TJP1: variants seen among roughly 807,000 people sequenced by gnomAD.
The protein encoded by TJP1 is tight junction protein 1, also known as tight junction protein ZO-1.
A neutral mutation model predicts 194.2 loss-of-function variants in TJP1; 43 were observed. The observed-to-expected ratio is 0.22, with a 90% CI of 0.17 to 0.29. The LOEUF is 0.29. Among genes scored for constraint, TJP1 ranks in the 10% least tolerant of loss-of-function variants. The pLI, the probability that TJP1 is intolerant of heterozygous loss-of-function variation, is 1.00. For synonymous variants in TJP1, 801 were observed against 779.0 expected (o/e 1.03, Z -0.47); for missense variants, 1,971 against 2,185.7 (o/e 0.90, Z 1.96).
At chr15:29,915,540 T>C (rs2054156910) in intron 2 of TJP1, among the ~76,000 whole-genome samples, 1 of 152,258 alleles carries the variant, frequency 6.6e-6, no homozygotes, top group African/African-American at 2.4e-5. Flanking sequence ...TTTACTGTGA[T>C]GTAGATTTAG....
At chr15:29,787,312 G>A (rs1050549191) in intron 2 of TJP1, among the ~76,000 whole-genome samples, 5 of 152,074 alleles carry the variant, frequency 3.3e-5, no homozygotes, top group Non-Finnish European at 7.4e-5. Context: ...AGAACCATAG[G>A]TCTAAGTATA....
intron 2 of TJP1, among the ~76,000 whole-genome samples, chr15:29,788,337 C>A (rs1189102938): frequency 6.6e-6 from 1 of 152,246 alleles, no homozygotes; most frequent in South Asian, 2.1e-4. Flanking sequence ...TCTGTTTTCC[C>A]TTTTGTTGCT....
In TJP1 at chr15:29,950,183, T is replaced by TCCACCA. The variant is rs201669884; in HGVS notation, c.306+6043_306+6048dup. On this transcript the variant is annotated intron_variant, in intron 2 of 28. Coordinates refer to the TJP1 transcript ENST00000356107. ...CACCACCACAACCACTACCTCCACCTCCACCACCACCACCACTTCCATCTC... is the reference window on the plus strand; with the variant it reads ...CACCACCACAACCACTACCTCCACCTCCACCACCACCACCACCACCACTTCCATCTC... Among the ~76,000 whole-genome samples the TCCACCA allele has an allele frequency of 1.8e-4, 11 of 60,108 alleles. No homozygotes were observed. In the South Asian group the frequency reaches 2.1e-3, roughly 11 times the overall value. The allele number at this position is 60,108 out of a possible 152,430, so 39.4% of individuals were successfully genotyped here. A position where few individuals can be genotyped will look rare whatever the true frequency, so the allele number is the denominator to read the frequency against.
chr15:29,908,298 A>G (rs2053894788), intron 2 of TJP1, among the ~76,000 whole-genome samples: 1 of 152,142 alleles, frequency 6.6e-6, no homozygotes, highest in Non-Finnish European at 1.5e-5. Flanking sequence ...CCAAAGAGAC[A>G]GAAGACTTGA....
intron 2 of TJP1, among the ~76,000 whole-genome samples, chr15:29,874,428 G>A (rs1006973034): frequency 2.6e-5 from 4 of 152,144 alleles, no homozygotes; most frequent in Non-Finnish European, 5.9e-5. Context: ...ATCTTAGTTG[G>A]AGGACATGAT....
At chr15:29,779,187 A>ACCCTTC (rs2047199660) in intron 2 of TJP1, among the ~76,000 whole-genome samples, 1 of 152,038 alleles carries the variant, frequency 6.6e-6, no homozygotes, top group South Asian at 2.1e-4. Flanking sequence ...AAGACCACCG[A>ACCCTTC]ACCTTCAACT....
intron 1 of TJP1, among the ~76,000 whole-genome samples, chr15:29,816,527 T>A (rs2049936303): frequency 6.6e-6 from 1 of 152,148 alleles, no homozygotes; most frequent in Non-Finnish European, 1.5e-5. Context: ...ACACAAAAAT[T>A]ATTGCTACAG....
chr15:29,943,891 T>A (rs1263863969), intron 2 of TJP1, among the ~76,000 whole-genome samples: 2 of 151,534 alleles, frequency 1.3e-5, no homozygotes, highest in East Asian at 3.9e-4. Context: ...GAGGTTGCAG[T>A]GAGCCAAGAT....
rs1394184559 is a variant in TJP1 at position 29,879,251 on chromosome 15, C to T, written c.306+76981G>A. ...TAAAGAGAGGATCAAGTACAGTTTCCGTGGGGAAGAACATCTAGGTAGGAA... is the reference window on the plus strand; with the variant it reads ...TAAAGAGAGGATCAAGTACAGTTTCTGTGGGGAAGAACATCTAGGTAGGAA... On this transcript the variant is annotated intron_variant, in intron 2 of 28. Coordinates refer to the TJP1 transcript ENST00000356107. Among the ~76,000 whole-genome samples, 6 of 152,162 alleles carry T rather than the reference C, an allele frequency of 3.9e-5. No individual in the cohort carries two copies. The East Asian group carries it at 9.6e-4, about 24-fold the overall frequency.
chr15:29,764,265 A>G (rs913606977), intron 5 of TJP1, among the ~76,000 whole-genome samples: 1 of 152,178 alleles, frequency 6.6e-6, no homozygotes, highest in South Asian at 2.1e-4. Context: ...AACTTTACCT[A>G]AGAAAGACCT....
rs1440315536 is a variant in TJP1, at chr15:29,804,462, AG to A, written c.28-3761del. On this transcript the variant is annotated intron_variant, in intron 1 of 27. Transcript: ENST00000614355. ...CACTATTTTAATGAGCATTCCATAAAGAAAAAATGTTCACTAATGACTGAGA... is the reference window on the plus strand; with the variant it reads ...CACTATTTTAATGAGCATTCCATAAAAAAAAATGTTCACTAATGACTGAGA... Among the ~76,000 whole-genome samples the A allele has an allele frequency of 1.4e-4, 22 of 152,192 alleles. 1 individual carries two copies. The highest frequency in any genetic ancestry group is 1.4e-3 in the Admixed American group (22 of 15,286).
intron 2 of TJP1, among the ~76,000 whole-genome samples, chr15:29,949,503 C>T (rs2055492974): frequency 7.4e-6 from 1 of 134,498 alleles, no homozygotes; most frequent in Admixed American, 7.8e-5. Flanking sequence ...ACCTCCACAA[C>T]CACCACCTCC....
chr15:29,849,543 A>G (rs2051556344), intron 2 of TJP1, among the ~76,000 whole-genome samples: 1 of 151,928 alleles, frequency 6.6e-6, no homozygotes, highest in African/African-American at 2.4e-5. Flanking sequence ...ATTTGATACC[A>G]GCCTTACCAA....
intron 2 of TJP1, among the ~76,000 whole-genome samples, chr15:29,833,597 T>C (rs1041288843): frequency 2.8e-4 from 42 of 151,700 alleles, no homozygotes; most frequent in African/African-American, 9.0e-4. Context: ...TTTGGCCATG[T>C]TGGGAGGCTA....
rs980911159 is a variant in TJP1 at position 29,718,532 on chromosome 15, G to A, written c.3610C>T (p.Pro1204Ser). Residue 1204 changes from proline to serine, a missense_variant, in exon 21 of 28, where the codon CCC (proline) becomes TCC (serine). Transcript: ENST00000614355. The part of the protein sequence containing the change: ...QYSRSYEQVP[P>S]QGFTSRAGHF... ...CCTGCTCTAGAGGTAAATCCTTGGG[G>A]TGGTACTTGCTCGTAACTGCGTGAA... 1.2e-6 allele frequency: 2 copies of A among 1,614,180 alleles called. No homozygotes were observed. Among genetic ancestry groups the A allele is most frequent in the Admixed American group, 3.3e-5 (2 of 60,034 alleles).
intron 1 of TJP1, among the ~76,000 whole-genome samples, chr15:29,959,034 G>A (rs1775620612): frequency 6.6e-6 from 1 of 150,582 alleles, no homozygotes; most frequent in Admixed American, 6.6e-5. Flanking sequence ...GTGCCTCCCA[G>A]GCTGGAGTGC....
At chr15:29,905,061 A>G (rs2053762033) in intron 2 of TJP1, among the ~76,000 whole-genome samples, 1 of 152,148 alleles carries the variant, frequency 6.6e-6, no homozygotes, top group Admixed American at 6.5e-5. Context: ...GAAAGGATAC[A>G]TTTTTGTTGT....
chr15:29,789,598 G>C (rs1206481525), intron 2 of TJP1, among the ~76,000 whole-genome samples: 2 of 152,110 alleles, frequency 1.3e-5, no homozygotes, highest in Admixed American at 1.3e-4. Flanking sequence ...AAATACAAAT[G>C]AAAGAATGAA....
rs199845649 is a variant in TJP1 at position 29,743,958 on chromosome 15, A to G, written c.1011-1177T>C. 1.1e-4 allele frequency among the ~76,000 whole-genome samples: 16 copies of G among 152,274 alleles called. No individual in the cohort carries two copies. In the East Asian group the frequency reaches 3.1e-3, roughly 29 times the overall value. On this transcript the variant is annotated intron_variant, in intron 8 of 27. Transcript: ENST00000614355. ...CATTTTGGGAGGCAGAGGCAGGCGG[A>G]TCACGAGGTCAAGAAATCAAGACCA...
Sources: allele counts gnomAD v4.1 joint callset (sites outside exome capture counted in the v4.1 genomes callset), GRCh38; gene constraint gnomAD v4.1.1; transcripts MANE v1.5; gene names NCBI Gene and HGNC (gene_info 2026-07-23, HGNC 2026-07-21).